ITGAE: variants seen among roughly 807,000 people sequenced by gnomAD.
ITGAE encodes integrin alpha-E.
Under a neutral mutation model 136.5 loss-of-function variants are expected in ITGAE, and 99 were observed. The ratio of observed to expected loss-of-function variants is 0.73; its 90% CI spans 0.62 to 0.86. ITGAE has a LOEUF of 0.86. ITGAE is among the 40% of genes least tolerant of loss of function. The pLI, the probability that ITGAE is intolerant of heterozygous loss-of-function variation, is 0.00. For synonymous variants in ITGAE, 613 were observed against 591.8 expected (o/e 1.04, Z -0.52); for missense variants, 1,447 against 1,515.3 (o/e 0.95, Z 0.75).
chr17:3,732,027 G>C (rs982046172), intron 22 of ITGAE, among the ~76,000 whole-genome samples: 2 of 152,136 alleles, frequency 1.3e-5, no homozygotes, highest in African/African-American at 4.8e-5. Context: ...AGTGAGCTGA[G>C]ACTGTGCCAC....
Position 3,753,293 on chromosome 17 carries a change from C to T in ITGAE, c.1665G>A (p.Glu555=). 6.2e-7 allele frequency: 1 copy of T among 1,613,482 alleles called. No individual in the cohort carries two copies. Among genetic ancestry groups the T allele is most frequent in the Non-Finnish European group, 8.5e-7 (1 of 1,179,614 alleles). The change falls in exon 14 of 31, where the codon GAG becomes GAA. Residue 555 remains glutamate, a synonymous_variant. Transcript: ENST00000263087. Reference sequence around the variant, plus strand: ...ATGAAGATGGAGACTCTCCCACCTGCTCGCTGAGACGGTACACGTAGACTC... The same window carrying T: ...ATGAAGATGGAGACTCTCCCACCTGTTCGCTGAGACGGTACACGTAGACTC... ...EGRVYVYRLS[E]QDGSFSLARI... is the part of the protein sequence containing the mutation.
intron 26 of ITGAE, 56 bp downstream of exon 26, chr17:3,727,863 G>T: frequency 1.8e-6 from 2 of 1,082,292 alleles, no homozygotes; most frequent in Non-Finnish European, 2.9e-6. Context: ...TTATACTTGA[G>T]ACTCTGTAGT....
At chr17:3,739,255 C>G (rs1291681819) in intron 20 of ITGAE, among the ~76,000 whole-genome samples, 5 of 152,148 alleles carry the variant, frequency 3.3e-5, no homozygotes, top group Non-Finnish European at 7.3e-5. Flanking sequence ...TTCCCACCTT[C>G]CCTGTGTCTT....
In ITGAE at chr17:3,798,688, T is replaced by C. The variant is rs935877255; in HGVS notation, c.34+2423A>G. ...CGGGCCCTGGACTTCTGGTTCCTTCTTCTTCACCCCTGTAAGGTGTTGTAG... is the reference window on the plus strand; with the variant it reads ...CGGGCCCTGGACTTCTGGTTCCTTCCTCTTCACCCCTGTAAGGTGTTGTAG... On this transcript the variant is annotated intron_variant, in intron 1 of 30. Transcript: ENST00000263087. The surrounding 1 kb of genome is among the most constrained non-coding windows in gnomAD (Gnocchi z 4.3). Among the ~76,000 whole-genome samples, 10 of 152,216 alleles carry C rather than the reference T, an allele frequency of 6.6e-5. No individual in the cohort carries two copies. Among genetic ancestry groups the C allele is most frequent in the Admixed American group, 1.3e-4 (2 of 15,282 alleles).
intron 19 of ITGAE, among the ~76,000 whole-genome samples, 179 bp downstream of exon 19, chr17:3,743,310 C>T (rs2051630052): frequency 6.6e-6 from 1 of 152,234 alleles, no homozygotes; most frequent in African/African-American, 2.4e-5. Flanking sequence ...AGTCCTCACT[C>T]ACGGGGACAC....
chr17:3,755,048 C>T, intron 12 of ITGAE, 69 bp downstream of exon 12: 1 of 1,480,318 alleles, frequency 6.8e-7, no homozygotes, highest in Non-Finnish European at 9.0e-7. Flanking sequence ...GCCCCACCCT[C>T]GCCCAGGGAG....
In ITGAE at chr17:3,729,516, G is replaced by T. The variant is rs1204564102; in HGVS notation, c.2874C>A (p.Thr958=). 1 of 1,612,006 alleles carries T rather than the reference G, an allele frequency of 6.2e-7. No individual in the cohort carries two copies. Among genetic ancestry groups the T allele is most frequent in the South Asian group, 1.1e-5 (1 of 91,022 alleles). The change falls in exon 24 of 31, where the codon ACC becomes ACA. Residue 958 remains threonine, a synonymous_variant. Transcript: ENST00000263087. The part of the protein sequence containing the change: ...ERRSLANETH[T]LQFRHGFVAV... ...CAACGAAGCCATGCCTGAATTGAAG[G>T]GTGTGGGTCTCGTTGGCCAAAGACC...
At position 3,723,772 on chromosome 17, in the gene ITGAE, G is replaced by T. The variant is rs773555178; in HGVS notation, c.3085-28C>A. On this transcript the variant is annotated intron_variant, in intron 26 of 30. Transcript: ENST00000263087. ...GAAACGAGAGCCATGACCGCGACGCGCTGAACAAACCAAGCCGCCAGTTTT... is the reference window on the plus strand; with the variant it reads ...GAAACGAGAGCCATGACCGCGACGCTCTGAACAAACCAAGCCGCCAGTTTT... The T allele has an allele frequency of 4.4e-6, 7 of 1,603,612 alleles. No individual in the cohort carries two copies. The African/African-American group carries it at 9.4e-5, about 21-fold the overall frequency.
At position 3,743,405 on chromosome 17, in the gene ITGAE, A is replaced by G. The variant is rs934780708; in HGVS notation, c.2448+84T>C. On this transcript the variant is annotated intron_variant, in intron 19 of 30. Coordinates refer to ENST00000263087, the MANE Select transcript of ITGAE (RefSeq NM_002208.5). Reference sequence around the variant, plus strand: ...TCTGAAGACATTGCCTCCCAACTCCACCATTCTTGGAAGTTAGGGGAGCAG... The same window carrying G: ...TCTGAAGACATTGCCTCCCAACTCCGCCATTCTTGGAAGTTAGGGGAGCAG... 11 of 1,449,202 alleles carry G rather than the reference A, an allele frequency of 7.6e-6. No individual in the cohort carries two copies. In the African/African-American group the frequency reaches 1.6e-4, roughly 21 times the overall value. The allele number at this position is 1,449,202 out of a possible 1,614,324, so 89.8% of individuals were successfully genotyped here. A position where few individuals can be genotyped will look rare whatever the true frequency, so the allele number is the denominator to read the frequency against.
intron 2 of ITGAE, among the ~76,000 whole-genome samples, chr17:3,774,240 C>T (rs1019351153): frequency 6.6e-6 from 1 of 152,116 alleles, no homozygotes; most frequent in Non-Finnish European, 1.5e-5. Flanking sequence ...AAACCCTTGA[C>T]CACTGACCAG....
chr17:3,767,570 G>A (rs996656074), intron 2 of ITGAE, among the ~76,000 whole-genome samples: 1 of 152,166 alleles, frequency 6.6e-6, no homozygotes, highest in Non-Finnish European at 1.5e-5. Context: ...TTCTCCAGAT[G>A]CTCCTTCCAT....
chr17:3,777,599 T>G lies in ITGAE; in HGVS notation c.96A>C (p.Gly32=). 6.2e-7 allele frequency: 1 copy of G among 1,613,572 alleles called. No homozygotes were observed. The highest frequency in any genetic ancestry group is 8.5e-7 in the Non-Finnish European group (1 of 1,179,832). ...DVARPWLTPK[G]GAPFVLSSLL... ...GGGAGCTGAGCACGAAAGGGGCACCTCCCTTGGGCGTGAGCCAGGGCCGGG... is the reference window on the plus strand; with the variant it reads ...GGGAGCTGAGCACGAAAGGGGCACCGCCCTTGGGCGTGAGCCAGGGCCGGG... Residue 32 remains glycine (G), a synonymous_variant, in exon 2 of 31, where the codon GGA becomes GGC. Coordinates refer to ENST00000263087, the MANE Select transcript of ITGAE (RefSeq NM_002208.5).
At position 3,724,352 on chromosome 17, in the gene ITGAE, C is replaced by T. The variant is rs1187348873; in HGVS notation, c.3085-608G>A. The T allele has an allele frequency of 6.3e-6, 10 of 1,599,122 alleles. No homozygotes were observed. The South Asian group carries it at 1.0e-4, about 16-fold the overall frequency. On this transcript the variant is annotated intron_variant, in intron 26 of 30. Transcript: ENST00000263087. ...GCCCGCTCCGACTTCCGCCCTTCCC[C>T]AGCCGCGACTCCGGCCGCCTCAGCC...
intron 1 of ITGAE, among the ~76,000 whole-genome samples, chr17:3,800,268 A>T (rs1348643673): frequency 2.6e-5 from 4 of 152,156 alleles, no homozygotes; most frequent in African/African-American, 9.7e-5. Context: ...GCACAGCCTC[A>T]GCCCATCTTT....
rs1782228087 is a variant in ITGAE at position 3,750,285 on chromosome 17, G to A, written c.2024+67C>T. ...CCTCAGTGCCTAATGTCTGCATGGA[G>A]CTATTTAGAGCAGGGCAAATGGGTG... is the stretch of plus-strand genomic sequence containing the variant. On this transcript the variant is annotated intron_variant, in intron 16 of 30. Transcript: ENST00000263087. 4 of 1,586,258 alleles carry A rather than the reference G, an allele frequency of 2.5e-6. No individual in the cohort carries two copies. In the East Asian group the frequency reaches 6.7e-5, roughly 27 times the overall value.
chr17:3,723,981 T>G (rs1260021539), intron 26 of ITGAE: 1 of 1,592,372 alleles, frequency 6.3e-7, no homozygotes, highest in East Asian at 2.3e-5. Context: ...TTTCCGCACA[T>G]ATGGGGCTGC....
In ITGAE at chr17:3,724,588, C is replaced by T. The variant is rs780145506; in HGVS notation, c.3085-844G>A. ...GTCTCCCTGGACCGAGCATCTCTCC[C>T]CTGCTCCCAGGAGGAAGCGACAGGA... On this transcript the variant is annotated intron_variant, in intron 26 of 30. Coordinates refer to ENST00000263087, the MANE Select transcript of ITGAE (RefSeq NM_002208.5). 6.2e-7 allele frequency: 1 copy of T among 1,614,096 alleles called. No homozygotes were observed. Among genetic ancestry groups the T allele is most frequent in the Non-Finnish European group, 8.5e-7 (1 of 1,180,050 alleles).
intron 18 of ITGAE, among the ~76,000 whole-genome samples, chr17:3,743,850 G>T (rs980379457): frequency 1.4e-4 from 21 of 151,364 alleles, no homozygotes; most frequent in Non-Finnish European, 2.7e-4. Context: ...TGACAGGTGT[G>T]TGCTACCACG....
At chr17:3,795,673 C>A (rs145429686) in intron 1 of ITGAE, among the ~76,000 whole-genome samples, 1 of 152,224 alleles carries the variant, frequency 6.6e-6, no homozygotes, top group Non-Finnish European at 1.5e-5. Context: ...TCCTGCCGTG[C>A]GGCGGCTCAC....
Sources: allele counts gnomAD v4.1 joint callset (sites outside exome capture counted in the v4.1 genomes callset), GRCh38; gene constraint gnomAD v4.1.1; non-coding constraint Gnocchi (gnomAD v3.1); transcripts MANE v1.5; gene names NCBI Gene and HGNC (gene_info 2026-07-23, HGNC 2026-07-21).